Variants in CELF1 observed in about 807,000 individuals in gnomAD.
The protein encoded by CELF1 is CUGBP Elav-like family member 1.
In CELF1, 10 loss-of-function variants were observed where a neutral mutation model predicts 61.8. The ratio of observed to expected loss-of-function variants is 0.16; its 90% CI spans 0.10 to 0.27. The LOEUF (loss-of-function observed/expected upper bound fraction) is 0.27, where lower values mean the gene tolerates loss of function less well. Ranked by LOEUF, CELF1 falls within the 10% of genes least tolerant of loss-of-function variation. The probability of loss-of-function intolerance (pLI) is 1.00; values close to 1 mark genes in which losing one functional copy is unlikely to be tolerated. For missense variants in CELF1, 380 were observed against 639.1 expected, an observed-to-expected ratio of 0.59 and a Z score of 4.37; for synonymous variants, 236 against 225.1, an observed-to-expected ratio of 1.05 and a Z score of -0.43.
In CELF1 at chr11:47,475,400, G is replaced by T; in HGVS notation, c.1209C>A (p.Pro403=). 1.9e-6 allele frequency: 3 copies of T among 1,614,106 alleles called. No individual in the cohort carries two copies. The highest frequency in any genetic ancestry group is 2.5e-6 in the Non-Finnish European group (3 of 1,180,032). Residue 403 remains proline, a synonymous_variant, in exon 13 of 15, where the codon CCC becomes CCA. Coordinates refer to ENST00000687097, the MANE Select transcript of CELF1 (RefSeq NM_001376376.1). The stretch of plus-strand genomic sequence containing the variant: ...TCAGAAGATTCTGGTTGTACAGAGT[G>T]GGGAGCGCAGCAGCAGCATATTGCT... ...GIQQYAAAAL[P]TLYNQNLLTQ...
intron 1 of CELF1, among the ~76,000 whole-genome samples, chr11:47,535,857 G>A (rs1333145921): frequency 6.6e-6 from 1 of 151,292 alleles, no homozygotes; most frequent in Non-Finnish European, 1.5e-5. Flanking sequence ...CCACCTCCTG[G>A]GTTCAAGCGA....
At chr11:47,483,577 T>G in intron 7 of CELF1, 45 bp from the exon 8 acceptor site, 1 of 1,443,126 alleles carries the variant, frequency 6.9e-7, no homozygotes, top group Non-Finnish European at 9.8e-7. Flanking sequence ...TTTATTTCTC[T>G]GACAAACATT....
rs544326586 is a variant in CELF1 at position 47,492,148 on chromosome 11, T to C, written c.72-3124A>G. Among the ~76,000 whole-genome samples, 6 of 152,116 alleles carry C rather than the reference T, an allele frequency of 3.9e-5. No homozygotes were observed. The South Asian group carries it at 1.2e-3, about 32-fold the overall frequency. ...GTGCGCCACCACATCTGGCTAGTTT[T>C]TAACATTTTTTTGTAGAGAGAGGGT... On this transcript the variant is annotated intron_variant, in intron 3 of 14. Transcript: ENST00000687097.
intron 1 of CELF1, among the ~76,000 whole-genome samples, chr11:47,542,866 CTCACACCTGTAA>C (rs1269361652): frequency 6.6e-6 from 1 of 152,122 alleles, no homozygotes; most frequent in Admixed American, 6.6e-5. Flanking sequence ...GGTGCGGCAG[CTCACACCTGTAA>C]TCCCAACACT....
chr11:47,538,623 AAAGAGC>A (rs2096693280), intron 1 of CELF1, among the ~76,000 whole-genome samples: 1 of 147,634 alleles, frequency 6.8e-6, no homozygotes, highest in African/African-American at 2.5e-5. Context: ...AGCCTGGGCA[AAAGAGC>A]AAGACTCCGT....
upstream of CELF1, among the ~76,000 whole-genome samples, chr11:47,555,251 T>C (rs2097202514): frequency 2.0e-5 from 3 of 152,250 alleles, no homozygotes; most frequent in Admixed American, 2.0e-4. Flanking sequence ...GCCCGTCTTA[T>C]TATATCTCCA....
chr11:47,542,475 A>G (rs1231822851), intron 1 of CELF1, among the ~76,000 whole-genome samples: 1 of 149,904 alleles, frequency 6.7e-6, no homozygotes, highest in African/African-American at 2.5e-5. Flanking sequence ...AAAAAACCTC[A>G]TCATTCTTGA....
Position 47,499,531 on chromosome 11 carries a change from C to T in CELF1, c.-8G>A. 6.5e-7 allele frequency: 1 copy of T among 1,534,582 alleles called. No homozygotes were observed. Among genetic ancestry groups the T allele is most frequent in the East Asian group, 2.4e-5 (1 of 40,914 alleles). On this transcript the variant is annotated 5_prime_UTR_variant, in exon 3 of 15. It adds an upstream start codon to the 5' untranslated region. Transcript: ENST00000687097. ...CAACTTAAACGCAGCCATCACCTCA[C>T]TCTCCCCTTCAGAAGCCAATGATAT...
chr11:47,476,402 G>A (rs1448608866), intron 12 of CELF1, among the ~76,000 whole-genome samples: 1 of 152,128 alleles, frequency 6.6e-6, no homozygotes, highest in Non-Finnish European at 1.5e-5. Context: ...GGACACAGGT[G>A]GGATTTAACT....
intron 1 of CELF1, among the ~76,000 whole-genome samples, chr11:47,528,780 C>T (rs1419682944): frequency 1.3e-5 from 2 of 151,490 alleles, no homozygotes; most frequent in African/African-American, 4.9e-5. Context: ...GTCCCAGCTA[C>T]TCAGGAGGCT....
At chr11:47,479,050 C>T (rs1259374547) in intron 9 of CELF1, 98 bp from the exon 10 acceptor site, 2 of 928,218 alleles carry the variant, frequency 2.2e-6, no homozygotes, top group African/African-American at 1.7e-5. Context: ...GTGCAGAGGC[C>T]CCCAGAGAGA....
At chr11:47,510,903 T>C (rs2095088592) in intron 1 of CELF1, among the ~76,000 whole-genome samples, 1 of 152,026 alleles carries the variant, frequency 6.6e-6, no homozygotes, top group South Asian at 2.1e-4. Context: ...AGAATTTAGC[T>C]GGGTACAGTG....
At chr11:47,494,345 A>T (rs7932169) in intron 3 of CELF1, 1 of 970,032 alleles carries the variant, frequency 1.0e-6, no homozygotes, top group Non-Finnish European at 1.2e-6. Flanking sequence ...GGAGGTAGTT[A>T]CTCTCATTGT....
chr11:47,526,495 T>C (rs571958876), intron 1 of CELF1, among the ~76,000 whole-genome samples: 2 of 152,374 alleles, frequency 1.3e-5, no homozygotes, highest in East Asian at 3.9e-4. Flanking sequence ...TTATAGTTTT[T>C]GCCTACTTTA....
At position 47,473,102 on chromosome 11, in the gene CELF1, AGG is replaced by A; in HGVS notation, c.1401_1402del (p.Leu468GlufsTer33). 6.2e-7 allele frequency: 1 copy of A among 1,614,074 alleles called. No individual in the cohort carries two copies. Among genetic ancestry groups the A allele is most frequent in the Non-Finnish European group, 8.5e-7 (1 of 1,179,980 alleles). ...AGCCAACATACCAAAACACTTGCTCAGGTTTGTCTGCTTGTCTATGAAAACCT... is the reference window on the plus strand; with the variant it reads ...AGCCAACATACCAAAACACTTGCTCATTTGTCTGCTTGTCTATGAAAACCT... On this transcript the variant is annotated frameshift_variant, in exon 14 of 15. Transcript: ENST00000687097. LOFTEE classifies it high-confidence loss of function.
chr11:47,547,669 CAA>C (rs1169198313), intron 1 of CELF1, among the ~76,000 whole-genome samples: 7 of 61,078 alleles, frequency 1.1e-4, no homozygotes, highest in Non-Finnish European at 1.0e-4. Context: ...AACTCCATCT[CAA>C]AAAAAAAAAA....
intron 1 of CELF1, among the ~76,000 whole-genome samples, chr11:47,530,733 T>C (rs903795096): frequency 2.0e-5 from 3 of 151,924 alleles, no homozygotes; most frequent in African/African-American, 4.8e-5. Flanking sequence ...GGCAGGAAGA[T>C]TGCTTGAGAC....
intron 6 of CELF1, among the ~76,000 whole-genome samples, chr11:47,486,147 T>C (rs12786095): frequency 1 from 54,120 of 54,130 alleles, 27,055 homozygotes; most frequent in Middle Eastern, 1. Context: ...GGCAACAGAG[T>C]GAGACTCCAT....
At chr11:47,492,230 T>C (rs144358522) in intron 3 of CELF1, among the ~76,000 whole-genome samples, 1 of 152,260 alleles carries the variant, frequency 6.6e-6, no homozygotes, top group African/African-American at 2.4e-5. Context: ...TTCTCCCACC[T>C]CAGCCTCCCA....
Sources: gnomAD v4.1 joint callset for allele counts (sites outside exome capture counted in the v4.1 genomes callset) on GRCh38, gnomAD v4.1.1 for gene constraint, MANE v1.5 for transcripts, NCBI Gene and HGNC (gene_info 2026-07-23, HGNC 2026-07-21) for gene names.